Variants in ZNF385D observed in about 807,000 individuals in gnomAD.
ZNF385D encodes the protein zinc finger protein 659.
ZNF385D carries 15 observed loss-of-function variants against 35.8 expected under a neutral mutation model. The observed-to-expected ratio is 0.42, with a 90% confidence interval of 0.28 to 0.64. The LOEUF (loss-of-function observed/expected upper bound fraction) is 0.64. ZNF385D is among the 30% of genes least tolerant of loss of function. The probability of loss-of-function intolerance (pLI) is 0.23; values close to 1 mark genes in which losing one functional copy is unlikely to be tolerated. For missense variants in ZNF385D, 474 were observed against 494.6 expected (o/e 0.96, Z 0.39); for synonymous variants, 212 against 186.8 (o/e 1.13, Z -1.10).
chr3:22,333,037 CTT>C (rs890446000), intron 2 of ZNF385D, among the ~76,000 whole-genome samples: 9 of 151,800 alleles, frequency 5.9e-5, no homozygotes, highest in Non-Finnish European at 1.3e-4. Flanking sequence ...CAGAGAATGT[CTT>C]TATTTTACCT....
At chr3:21,495,785 G>A (rs1322950328) in intron 4 of ZNF385D, among the ~76,000 whole-genome samples, 3 of 151,778 alleles carry the variant, frequency 2.0e-5, no homozygotes, top group Non-Finnish European at 4.4e-5. Context: ...AGAATTAATA[G>A]ATAGATAAAA....
intron 2 of ZNF385D, among the ~76,000 whole-genome samples, chr3:22,314,270 C>T (rs1703759266): frequency 6.6e-6 from 1 of 152,098 alleles, no homozygotes. Context: ...CCCTCATCCC[C>T]TTCCTACCCT....
At chr3:22,333,900 C>T (rs910256385) in intron 2 of ZNF385D, among the ~76,000 whole-genome samples, 1 of 152,120 alleles carries the variant, frequency 6.6e-6, no homozygotes, top group Non-Finnish European at 1.5e-5. Flanking sequence ...GGTCTTATTC[C>T]CCAATGTATT....
At chr3:21,457,436 A>T (rs747702315) in intron 4 of ZNF385D, among the ~76,000 whole-genome samples, 1 of 151,842 alleles carries the variant, frequency 6.6e-6, no homozygotes, top group Non-Finnish European at 1.5e-5. Context: ...GCTCACTGCA[A>T]TCTCCACCTC....
intron 2 of ZNF385D, among the ~76,000 whole-genome samples, chr3:22,241,039 A>G (rs1293798643): frequency 6.6e-6 from 1 of 151,228 alleles, no homozygotes; most frequent in African/African-American, 2.4e-5. Flanking sequence ...CATTCAATTG[A>G]GTAAATTTTT....
chr3:22,295,953 T>C (rs1165953254), intron 2 of ZNF385D, among the ~76,000 whole-genome samples: 1 of 152,078 alleles, frequency 6.6e-6, no homozygotes, highest in South Asian at 2.1e-4. Flanking sequence ...ACAAGAATAG[T>C]TTATGGCAAA....
At chr3:21,900,434 G>C (rs1446892933) in intron 3 of ZNF385D, among the ~76,000 whole-genome samples, 1 of 152,056 alleles carries the variant, frequency 6.6e-6, no homozygotes, top group Non-Finnish European at 1.5e-5. Context: ...TGTTGTTATT[G>C]ATTACAATAA....
intron 4 of ZNF385D, among the ~76,000 whole-genome samples, chr3:21,503,576 A>T (rs1026521838): frequency 6.6e-6 from 1 of 152,146 alleles, no homozygotes; most frequent in Non-Finnish European, 1.5e-5. Context: ...GAATTTTTTT[A>T]AAAATGTGCA....
intron 3 of ZNF385D, among the ~76,000 whole-genome samples, chr3:21,759,264 A>G (rs933553640): frequency 6.6e-5 from 10 of 152,120 alleles, no homozygotes; most frequent in Non-Finnish European, 1.2e-4. Context: ...TGTCTTTAAT[A>G]TTGACCCGGA....
chr3:21,890,102 G>T (rs999832843), intron 3 of ZNF385D, among the ~76,000 whole-genome samples: 1 of 152,046 alleles, frequency 6.6e-6, no homozygotes, highest in African/African-American at 2.4e-5. Context: ...TGTGGATTTG[G>T]CTTCAAACAT....
upstream of ZNF385D, among the ~76,000 whole-genome samples, chr3:21,755,800 A>G (rs986249290): frequency 3.3e-5 from 5 of 152,196 alleles, no homozygotes; most frequent in African/African-American, 9.7e-5. Flanking sequence ...TAAATTTAAC[A>G]TCTTATGAAT....
chr3:22,083,814 G>C (rs1039668916), intron 3 of ZNF385D, among the ~76,000 whole-genome samples: 28 of 152,174 alleles, frequency 1.8e-4, no homozygotes, highest in African/African-American at 6.0e-4. Flanking sequence ...AGGAAAAAAT[G>C]TTAAGGGCAG....
Position 22,247,615 on chromosome 3 carries a change from T to TATTATTTA in ZNF385D, c.107-78581_107-78580insTAAATAAT, listed in dbSNP as rs141256206. Among the ~76,000 whole-genome samples the TATTATTTA allele has an allele frequency of 4.7e-5, 7 of 148,302 alleles. No individual in the cohort carries two copies. In the Middle Eastern group the frequency reaches 0.014, roughly 288 times the overall value. Reference sequence around the variant, plus strand: ...TATTTATATACCAACCATTTTACAATTTTATTTATTTATTTATTTATTTAT... The same window carrying TATTATTTA: ...TATTTATATACCAACCATTTTACAATATTATTTATTTATTTATTTATTTATTTATTTAT... On this transcript the variant is annotated intron_variant, in intron 2 of 5. Transcript: ENST00000494108.
At chr3:22,007,482 GT>G (rs1264391404) in intron 3 of ZNF385D, among the ~76,000 whole-genome samples, 3 of 152,154 alleles carry the variant, frequency 2.0e-5, no homozygotes, top group African/African-American at 7.2e-5. Flanking sequence ...ATGTGTGGAG[GT>G]ATATCCTCAG....
At chr3:21,883,383 C>T (rs1480214567) in intron 3 of ZNF385D, among the ~76,000 whole-genome samples, 3 of 151,908 alleles carry the variant, frequency 2.0e-5, no homozygotes, top group African/African-American at 7.2e-5. Context: ...TCTAACCAGA[C>T]AAATGTCTCA....
At chr3:22,337,238 G>C (rs1232897762) in intron 2 of ZNF385D, among the ~76,000 whole-genome samples, 1 of 151,828 alleles carries the variant, frequency 6.6e-6, no homozygotes, top group Non-Finnish European at 1.5e-5. Flanking sequence ...AACAAATGCA[G>C]TTAAGATGCT....
intron 1 of ZNF385D, among the ~76,000 whole-genome samples, chr3:21,748,325 G>A (rs986448203): frequency 5.9e-5 from 9 of 151,722 alleles, no homozygotes; most frequent in Non-Finnish European, 1.2e-4. Flanking sequence ...AGCAAGGGCA[G>A]GGTCCAGTTG....
At chr3:21,984,788 C>T (rs1458159748) in intron 3 of ZNF385D, among the ~76,000 whole-genome samples, 2 of 120,428 alleles carry the variant, frequency 1.7e-5, no homozygotes, top group African/African-American at 3.0e-5. Context: ...TTGATTCTTC[C>T]TACCCATGAG....
chr3:21,868,271 C>A (rs1370790033), intron 3 of ZNF385D, among the ~76,000 whole-genome samples: 2 of 150,488 alleles, frequency 1.3e-5, no homozygotes, highest in Admixed American at 6.6e-5. Flanking sequence ...TGGCTGTGTA[C>A]TAATAAACAT....
Sources: allele counts gnomAD v4.1 joint callset (sites outside exome capture counted in the v4.1 genomes callset), GRCh38; gene constraint gnomAD v4.1.1; transcripts MANE v1.5; gene names NCBI Gene and HGNC (gene_info 2026-07-23, HGNC 2026-07-21).